LCA5: variants seen among roughly 807,000 people sequenced by gnomAD.
LCA5 encodes lebercilin.
Under a neutral mutation model 53.0 loss-of-function variants are expected in LCA5, and 37 were observed. The ratio of observed to expected loss-of-function variants is 0.70; its 90% CI spans 0.54 to 0.92. The LOEUF is 0.92. Ranked by LOEUF, LCA5 falls within the 40% of genes least tolerant of loss-of-function variation. LCA5 has a pLI of 0.00. For missense variants in LCA5, 806 were observed against 790.5 expected, an observed-to-expected ratio of 1.02 and a Z score of -0.23; for synonymous variants, 303 against 282.9, an observed-to-expected ratio of 1.07 and a Z score of -0.71.
chr6:79,521,283 A>C (rs1396321806), intron 1 of LCA5, among the ~76,000 whole-genome samples: 2 of 152,190 alleles, frequency 1.3e-5, no homozygotes, highest in African/African-American at 2.4e-5. Flanking sequence ...TTGAAAAGCA[A>C]TTCCCATAAA....
chr6:79,532,275 C>T (rs1453014085), intron 1 of LCA5, among the ~76,000 whole-genome samples: 1 of 152,194 alleles, frequency 6.6e-6, no homozygotes, highest in African/African-American at 2.4e-5. Context: ...AGTCCACATC[C>T]ATGTTTCCTC....
At chr6:79,534,521 C>T (rs962136106) in intron 1 of LCA5, among the ~76,000 whole-genome samples, 1 of 151,936 alleles carries the variant, frequency 6.6e-6, no homozygotes, top group African/African-American at 2.4e-5. Context: ...TACAACTGAT[C>T]CTTTACCGTT....
chr6:79,520,536 C>T (rs1766596275), intron 1 of LCA5, among the ~76,000 whole-genome samples: 1 of 152,154 alleles, frequency 6.6e-6, no homozygotes, highest in Admixed American at 6.5e-5. Context: ...AATTGGATTA[C>T]TTTTATAATC....
intron 1 of LCA5, among the ~76,000 whole-genome samples, chr6:79,529,609 A>T (rs1766895447): frequency 6.6e-6 from 1 of 152,132 alleles, no homozygotes; most frequent in Non-Finnish European, 1.5e-5. Context: ...GGAAGATGGT[A>T]ACCCCGCAGA....
chr6:79,525,530 T>G (rs530569770), intron 1 of LCA5, among the ~76,000 whole-genome samples: 1 of 152,268 alleles, frequency 6.6e-6, no homozygotes, highest in South Asian at 2.1e-4. Context: ...CAATCCCAAC[T>G]GGAATAATCA....
At chr6:79,493,489 T>C in intron 4 of LCA5, 124 bp downstream of exon 4, 1 of 904,608 alleles carries the variant, frequency 1.1e-6, no homozygotes, top group Non-Finnish European at 1.7e-6. Context: ...CTAAAGATAA[T>C]ATCAGAATTT....
chr6:79,487,155 T>A lies in LCA5; in HGVS notation c.1943A>T (p.Asp648Val), dbSNP rs1381789658. 6.2e-7 allele frequency: 1 copy of A among 1,614,054 alleles called. No individual in the cohort carries two copies. Among genetic ancestry groups the A allele is most frequent in the African/African-American group, 1.3e-5 (1 of 75,024 alleles). The change falls in exon 8 of 8, where the codon GAT (aspartate) becomes GTT (valine). Residue 648 changes from aspartate to valine, a missense_variant. Asp to Val is a radical substitution (Grantham distance 152). Transcript: ENST00000369846. ...NFLPGNKGSR[D>V]QEHDEDEGFF... is the part of the protein sequence containing the mutation. ...GCCTTCATCTTCATCATGTTCTTGA[T>A]CTCTGCTGCCTTTATTCCCAGGGAG...
At chr6:79,514,450 T>G (rs1766365774) in intron 2 of LCA5, among the ~76,000 whole-genome samples, 1 of 152,138 alleles carries the variant, frequency 6.6e-6, no homozygotes, top group Non-Finnish European at 1.5e-5. Flanking sequence ...TGAAAGACAG[T>G]GTGGCAATTC....
intron 7 of LCA5, 40 bp from the exon 8 acceptor site, chr6:79,487,906 G>A: frequency 6.8e-7 from 1 of 1,481,266 alleles, no homozygotes; most frequent in Non-Finnish European, 9.3e-7. Context: ...TTTTGTAACA[G>A]TCAATATTTT....
At chr6:79,507,713 T>A (rs1770306801) in intron 3 of LCA5, among the ~76,000 whole-genome samples, 1 of 152,164 alleles carries the variant, frequency 6.6e-6, no homozygotes, top group Non-Finnish European at 1.5e-5. Context: ...GTCCCTGGCC[T>A]GTCCCGTGGA....
At chr6:79,501,936 A>C (rs1770152317) in intron 3 of LCA5, among the ~76,000 whole-genome samples, 1 of 151,958 alleles carries the variant, frequency 6.6e-6, no homozygotes. Flanking sequence ...ACATAGGAGA[A>C]TATAGTAGAT....
chr6:79,493,613 C>A lies in LCA5; in HGVS notation c.858G>T (p.Lys286Asn). 1 of 1,611,790 alleles carries A rather than the reference C, an allele frequency of 6.2e-7. No individual in the cohort carries two copies. Among genetic ancestry groups the A allele is most frequent in the Non-Finnish European group, 8.5e-7 (1 of 1,178,128 alleles). ...AAACAATGCAATTTAAAATACTTAC[C>A]TTTAATTTGTGATATAGTCGCTGTA... is the stretch of plus-strand genomic sequence containing the variant. Reference protein sequence around the residue: ...KEVQRLYHKLKEKERELDIKN... With the variant: ...KEVQRLYHKLNEKERELDIKN... The change falls in exon 4 of 8, where the codon AAG (lysine) becomes AAT (asparagine). Residue 286 changes from lysine to asparagine, a missense_variant and splice_region_variant. Lys to Asn is a moderately conservative substitution (Grantham distance 94, BLOSUM62 0). Coordinates refer to ENST00000369846, the MANE Select transcript of LCA5 (RefSeq NM_001122769.3).
intron 3 of LCA5, among the ~76,000 whole-genome samples, chr6:79,496,343 G>T (rs1367310147): frequency 2.0e-5 from 3 of 152,154 alleles, no homozygotes; most frequent in Admixed American, 1.3e-4. Flanking sequence ...AGAAAGAAAA[G>T]CCAGTGTCTA....
chr6:79,512,617 G>GAT (rs950957059), intron 3 of LCA5, among the ~76,000 whole-genome samples: 15 of 146,492 alleles, frequency 1.0e-4, no homozygotes, highest in Non-Finnish European at 2.3e-4. Flanking sequence ...GCTTCTGTTT[G>GAT]ATACATATAT....
chr6:79,519,841 AT>A (rs1562109863), intron 1 of LCA5, among the ~76,000 whole-genome samples: 1 of 152,154 alleles, frequency 6.6e-6, no homozygotes, highest in Non-Finnish European at 1.5e-5. Context: ...ATTTGCAAAC[AT>A]GACAAAAAAT....
intron 7 of LCA5, chr6:79,488,815 CT>C (rs1769750422): frequency 3.8e-6 from 2 of 524,208 alleles, no homozygotes; most frequent in Non-Finnish European, 6.7e-6. Flanking sequence ...CATCTGAATT[CT>C]ACTTCATCAG....
chr6:79,506,439 G>A lies in LCA5; in HGVS notation c.720+6773C>T, dbSNP rs572186142. 3.3e-5 allele frequency among the ~76,000 whole-genome samples: 5 copies of A among 152,162 alleles called. No homozygotes were observed. In the South Asian group the frequency reaches 6.2e-4, roughly 19 times the overall value. ...CATGATATTTGCTTTATGACACACT[G>A]TTGGTCATAGCTATGACTGATCTGC... On this transcript the variant is annotated intron_variant, in intron 3 of 7. Transcript: ENST00000369846.
chr6:79,498,831 A>T (rs1363801494), intron 3 of LCA5, among the ~76,000 whole-genome samples: 1 of 152,120 alleles, frequency 6.6e-6, no homozygotes, highest in Non-Finnish European at 1.5e-5. Context: ...GTGAAATCTA[A>T]CAAATTTTAA....
At chr6:79,495,804 C>A (rs1769969017) in intron 3 of LCA5, among the ~76,000 whole-genome samples, 1 of 150,498 alleles carries the variant, frequency 6.6e-6, no homozygotes, top group African/African-American at 2.4e-5. Flanking sequence ...TCACACACTG[C>A]AAATACTTTT....
Sources: gnomAD v4.1 joint callset for allele counts (sites outside exome capture counted in the v4.1 genomes callset) on GRCh38, gnomAD v4.1.1 for gene constraint, MANE v1.5 for transcripts, NCBI Gene and HGNC (gene_info 2026-07-23, HGNC 2026-07-21) for gene names.